ADAM17: variants seen among roughly 807,000 people sequenced by gnomAD.
The protein encoded by ADAM17 is ADAM metallopeptidase domain 17, also known as disintegrin and metalloproteinase domain-containing protein 17.
Under a neutral mutation model 96.7 loss-of-function variants are expected in ADAM17, and 39 were observed. That is an observed-to-expected ratio of 0.40 (90% CI 0.31 to 0.53). The LOEUF (loss-of-function observed/expected upper bound fraction) is 0.53. Ranked by LOEUF, ADAM17 falls within the 20% of genes least tolerant of loss-of-function variation. ADAM17 has a pLI of 0.44. For missense variants in ADAM17, 777 were observed against 1,013.2 expected (o/e 0.77, Z 3.17); for synonymous variants, 344 against 359.2 (o/e 0.96, Z 0.48).
At chr2:9,529,827 C>T (rs985678599) in intron 4 of ADAM17, among the ~76,000 whole-genome samples, 1 of 151,922 alleles carries the variant, frequency 6.6e-6, no homozygotes, top group Non-Finnish European at 1.5e-5. Context: ...AAAAATCAGC[C>T]GGGCATGGTG....
rs555516394 is a variant in ADAM17 at position 9,525,802 on chromosome 2, T to C, written c.753+309A>G. Among the ~76,000 whole-genome samples the C allele has an allele frequency of 4.6e-5, 7 of 152,354 alleles. No individual in the cohort carries two copies. The East Asian group carries it at 1.3e-3, about 29-fold the overall frequency. The stretch of plus-strand genomic sequence containing the variant: ...TTCACATGTGACACCACAGGTTCAC[T>C]ACCATGATAGCAGTGATGTTTTTAA... On this transcript the variant is annotated intron_variant, in intron 6 of 18. Coordinates refer to ENST00000310823, the MANE Select transcript of ADAM17 (RefSeq NM_003183.6).
intron 7 of ADAM17, chr2:9,522,056 T>C (rs1259820513): frequency 5.5e-6 from 1 of 183,354 alleles, no homozygotes; most frequent in Non-Finnish European, 1.1e-5. Context: ...AATGTTTTAA[T>C]CTCCTATATT....
At chr2:9,523,391 G>A in intron 6 of ADAM17, 53 bp from the exon 7 acceptor site, 1 of 1,409,404 alleles carries the variant, frequency 7.1e-7, no homozygotes, top group Non-Finnish European at 9.9e-7. Flanking sequence ...TACCTCTCCT[G>A]GCAATGCAAT....
rs889062988 is a variant in ADAM17 at position 9,490,461 on chromosome 2, G to C, written c.2191C>G (p.Pro731Ala). 6.8e-6 allele frequency: 11 copies of C among 1,613,952 alleles called. No homozygotes were observed. The highest frequency in any genetic ancestry group is 1.3e-5 in the African/African-American group (1 of 74,914). The change falls in exon 19 of 19, where the codon CCT becomes GCT. Residue 731 changes from proline (P) to alanine (A), a missense_variant. Around this residue, in one of 3 missense-constraint regions of ADAM17, gnomAD observed 197 missense variants for 219.4 expected, o/e 0.90. Coordinates refer to ENST00000310823, the MANE Select transcript of ADAM17 (RefSeq NM_003183.6). The stretch of plus-strand genomic sequence containing the variant: ...AGGCGGCCTGGAGTCTGGGGCGCAG[G>C]AAAGGGTTTGATAATGCGAACCGAT... Reference protein sequence around the residue: ...SASVRIIKPFPAPQTPGRLQP... With the variant: ...SASVRIIKPFAAPQTPGRLQP...
In ADAM17 at chr2:9,542,775, G is replaced by A. The variant is rs138070269; in HGVS notation, c.230+378C>T. 5.9e-3 allele frequency among the ~76,000 whole-genome samples: 904 copies of A among 152,232 alleles called. 8 individuals carry two copies. The highest frequency in any genetic ancestry group is 0.02 in the African/African-American group (851 of 41,538). On this transcript the variant is annotated intron_variant, in intron 2 of 18. Transcript: ENST00000310823. ...GTGCAGTGGCACCATCTCGGCTAGT[G>A]CAGCCTCCACCTCCCTGGTTCAAGT...
chr2:9,553,080 G>A (rs1665630915), intron 1 of ADAM17, among the ~76,000 whole-genome samples: 1 of 151,920 alleles, frequency 6.6e-6, no homozygotes, highest in Non-Finnish European at 1.5e-5. Flanking sequence ...GAAAAAAAAA[G>A]TCATTCTTCA....
At chr2:9,552,600 G>T (rs1325952281) in intron 1 of ADAM17, among the ~76,000 whole-genome samples, 1 of 152,122 alleles carries the variant, frequency 6.6e-6, no homozygotes, top group Non-Finnish European at 1.5e-5. Flanking sequence ...ACATGTTTCA[G>T]ATACAAACTT....
intron 14 of ADAM17, among the ~76,000 whole-genome samples, chr2:9,495,309 A>T (rs2124969258): frequency 6.6e-6 from 1 of 152,408 alleles, no homozygotes; most frequent in South Asian, 2.1e-4. Context: ...AACACCGGGC[A>T]TCTGTGAGCC....
At chr2:9,509,002 G>T (rs967525815) in intron 11 of ADAM17, among the ~76,000 whole-genome samples, 2 of 149,198 alleles carry the variant, frequency 1.3e-5, no homozygotes, top group African/African-American at 4.9e-5. Flanking sequence ...AAAAAAAAAT[G>T]AGATGCAACA....
At chr2:9,527,646 T>C in intron 5 of ADAM17, 140 bp downstream of exon 5, 1 of 529,448 alleles carries the variant, frequency 1.9e-6, no homozygotes. Flanking sequence ...TGAAAATTTC[T>C]GGAACAAACC....
intron 1 of ADAM17, among the ~76,000 whole-genome samples, chr2:9,554,675 T>C (rs978399422): frequency 6.6e-6 from 1 of 152,164 alleles, no homozygotes; most frequent in African/African-American, 2.4e-5. Context: ...GATAAAAGGA[T>C]TTTAAAATAC....
At chr2:9,530,704 G>T (rs969310575) in intron 4 of ADAM17, among the ~76,000 whole-genome samples, 2 of 152,050 alleles carry the variant, frequency 1.3e-5, no homozygotes, top group African/African-American at 4.8e-5. Flanking sequence ...TAGAATTCTT[G>T]TCATTTTCTC....
intron 2 of ADAM17, among the ~76,000 whole-genome samples, chr2:9,539,110 A>ATTT (rs748536711): frequency 1.4e-5 from 2 of 144,414 alleles, no homozygotes; most frequent in African/African-American, 2.5e-5. Context: ...TAATTTCTTG[A>ATTT]TTTTTTTTTT....
At chr2:9,532,228 A>G (rs1425211404) in intron 4 of ADAM17, among the ~76,000 whole-genome samples, 1 of 152,202 alleles carries the variant, frequency 6.6e-6, no homozygotes, top group African/African-American at 2.4e-5. Context: ...AGTGTAAAGA[A>G]TTATTTTTTT....
Position 9,490,064 on chromosome 2 carries a change from C to T in ADAM17, c.*113G>A. 2.0e-6 allele frequency: 2 copies of T among 1,006,950 alleles called. No individual in the cohort carries two copies. Among genetic ancestry groups the T allele is most frequent in the African/African-American group, 1.6e-5 (1 of 61,468 alleles). The allele number at this position is 1,006,950 out of a possible 1,614,324, so 62.4% of individuals were successfully genotyped here. ...CCTGCAGGAAGTTCAAACACATGAC[C>T]AGCATCTGCTAAGTCACTTCCCAGT... On this transcript the variant is annotated 3_prime_UTR_variant, in exon 19 of 19. Transcript: ENST00000310823.
In ADAM17 at chr2:9,505,148, T is replaced by G. The variant is rs1663309153; in HGVS notation, c.1544+18A>C. 1 of 1,613,938 alleles carries G rather than the reference T, an allele frequency of 6.2e-7. No homozygotes were observed. Among genetic ancestry groups the G allele is most frequent in the East Asian group, 2.2e-5 (1 of 44,884 alleles). ...TGTTATACCAACTTCCCAAAATCCC[T>G]GTGGAGAGACTCCTCACCTGCACTG... On this transcript the variant is annotated intron_variant, in intron 12 of 18. Transcript: ENST00000310823.
intron 13 of ADAM17, among the ~76,000 whole-genome samples, chr2:9,501,258 A>C (rs1164178107): frequency 2.0e-5 from 3 of 152,240 alleles, no homozygotes; most frequent in African/African-American, 4.8e-5. Context: ...TGTTAAAAAA[A>C]AAAGTAAGAA....
chr2:9,532,822 A>G (rs1310539873), intron 4 of ADAM17, among the ~76,000 whole-genome samples: 1 of 152,010 alleles, frequency 6.6e-6, no homozygotes, highest in East Asian at 1.9e-4. Context: ...AGTTATACTC[A>G]TTTTTGTACT....
intron 14 of ADAM17, 116 bp from the exon 15 acceptor site, chr2:9,494,883 T>C (rs1314672947): frequency 7.6e-7 from 1 of 1,312,462 alleles, no homozygotes; most frequent in East Asian, 2.5e-5. Context: ...ATTTATTTTT[T>C]ATTTAAATAG....
Sources: gnomAD v4.1 joint callset for allele counts (sites outside exome capture counted in the v4.1 genomes callset) on GRCh38, gnomAD v4.1.1 for gene constraint, gnomAD v4.1.1 regional missense constraint, MANE v1.5 for transcripts, NCBI Gene and HGNC (gene_info 2026-07-23, HGNC 2026-07-21) for gene names.